The following RANBP2 variants were observed in gnomAD, a reference collection of about 807,000 sequenced individuals.
RANBP2 encodes E3 SUMO-protein ligase RanBP2.
A neutral mutation model predicts 303.6 loss-of-function variants in RANBP2; 57 were observed. That is an observed-to-expected ratio of 0.19 (90% CI 0.15 to 0.23). The LOEUF is 0.23. RANBP2 is among the 10% of genes least tolerant of loss of function. The pLI is 1.00. For missense variants in RANBP2, 3,138 were observed against 3,780.8 expected (o/e 0.83, Z 4.46); for synonymous variants, 1,167 against 1,301.5 (o/e 0.90, Z 2.23).
At chr2:109,190,069 G>A in the RANBP2 span, among the ~76,000 whole-genome samples, 2 of 152,334 alleles carry the variant, frequency 1.3e-5, no homozygotes, top group Admixed American at 6.5e-5. Flanking sequence ...TGTAATTGTC[G>A]TTGCTTTAAA....
At chr2:109,167,547 G>GA in the RANBP2 span, among the ~76,000 whole-genome samples, 2 of 152,038 alleles carry the variant, frequency 1.3e-5, no homozygotes, top group African/African-American at 2.4e-5. Flanking sequence ...TTTAGTGTCT[G>GA]AATTCTTTTA....
the RANBP2 span, among the ~76,000 whole-genome samples, chr2:108,953,517 T>C: frequency 6.6e-6 from 1 of 152,132 alleles, no homozygotes; most frequent in Non-Finnish European, 1.5e-5. Context: ...TTTACTTTTC[T>C]TAAGGCTCAC....
the RANBP2 span, among the ~76,000 whole-genome samples, chr2:109,514,259 A>G: frequency 3.3e-5 from 5 of 152,164 alleles, no homozygotes; most frequent in African/African-American, 1.2e-4. Context: ...TATGATTCAT[A>G]ACTTGGTTAC....
chr2:109,420,592 C>G, the RANBP2 span, among the ~76,000 whole-genome samples: 1 of 152,058 alleles, frequency 6.6e-6, no homozygotes, highest in African/African-American at 2.4e-5. Flanking sequence ...ACTACAGGTG[C>G]CAGCCACCAC....
the RANBP2 span, among the ~76,000 whole-genome samples, chr2:109,684,865 TA>T: frequency 8.0e-5 from 12 of 150,120 alleles, no homozygotes; most frequent in East Asian, 6.0e-4. Flanking sequence ...TAAATTAAAT[TA>T]AATTAATTAA....
chr2:109,056,139 T>C, the RANBP2 span, among the ~76,000 whole-genome samples: 11 of 152,012 alleles, frequency 7.2e-5, no homozygotes, highest in Admixed American at 7.2e-4. Context: ...ACAGGGGCTT[T>C]GGGTTCTATT....
the RANBP2 span, chr2:108,923,526 G>T: frequency 7.0e-7 from 1 of 1,427,208 alleles, no homozygotes; most frequent in Non-Finnish European, 9.9e-7. Flanking sequence ...GGTGCAGAGA[G>T]CACGGTGGCC....
chr2:108,979,537 G>T, the RANBP2 span, among the ~76,000 whole-genome samples: 1 of 151,942 alleles, frequency 6.6e-6, no homozygotes, highest in Non-Finnish European at 1.5e-5. Flanking sequence ...GGGGGCTGGA[G>T]AAAGCAAGCT....
chr2:109,066,432 C>T, the RANBP2 span, among the ~76,000 whole-genome samples: 1 of 152,126 alleles, frequency 6.6e-6, no homozygotes, highest in Non-Finnish European at 1.5e-5. Context: ...TAAAGGCATG[C>T]CCTCTCCATC....
At chr2:109,221,204 A>C in the RANBP2 span, among the ~76,000 whole-genome samples, 4 of 152,198 alleles carry the variant, frequency 2.6e-5, no homozygotes, top group African/African-American at 9.7e-5. Context: ...AGTCTTCCAC[A>C]TCCTAGTCAG....
chr2:109,009,640 C>G, the RANBP2 span, among the ~76,000 whole-genome samples: 1 of 151,814 alleles, frequency 6.6e-6, no homozygotes, highest in Admixed American at 6.6e-5. Context: ...ATCCTCCCAC[C>G]TGAGCCTCCC....
At chr2:109,644,140 C>A in the RANBP2 span, among the ~76,000 whole-genome samples, 17 of 147,902 alleles carry the variant, frequency 1.1e-4, no homozygotes, top group Non-Finnish European at 2.2e-4. Context: ...AACAAAAAAA[C>A]AAAAAAAAAC....
the RANBP2 span, among the ~76,000 whole-genome samples, chr2:109,354,908 A>C: frequency 6.6e-6 from 1 of 152,282 alleles, no homozygotes; most frequent in Non-Finnish European, 1.5e-5. Context: ...TTGTGAATGT[A>C]GTATTTACGA....
At chr2:109,429,446 A>C in the RANBP2 span, among the ~76,000 whole-genome samples, 55 of 152,284 alleles carry the variant, frequency 3.6e-4, no homozygotes, top group African/African-American at 1.3e-3. Context: ...TCATCAACAG[A>C]ACGAACTTAA....
the RANBP2 span, among the ~76,000 whole-genome samples, chr2:109,169,720 A>G: frequency 6.6e-6 from 1 of 150,828 alleles, no homozygotes; most frequent in Admixed American, 6.6e-5. Context: ...ATATCTATAT[A>G]TATAACCAAA....
At chr2:109,189,367 CTT>C in the RANBP2 span, among the ~76,000 whole-genome samples, 31 of 147,972 alleles carry the variant, frequency 2.1e-4, no homozygotes, top group African/African-American at 7.5e-4. Context: ...AGTCGTTTGA[CTT>C]TTTTTTTTTT....
At chr2:109,310,139 A>C in the RANBP2 span, among the ~76,000 whole-genome samples, 665 of 71,334 alleles carry the variant, frequency 9.3e-3, 30 homozygotes, top group East Asian at 0.042. Flanking sequence ...ATAACAAACT[A>C]TCTCTCAGAC....
chr2:108,768,844 C>A (rs1048337383), intron 20 of RANBP2, among the ~76,000 whole-genome samples: 3 of 151,998 alleles, frequency 2.0e-5, no homozygotes, highest in Non-Finnish European at 4.4e-5. Flanking sequence ...ACCAGCCTGG[C>A]CAGCATGGTG....
chr2:109,069,449 T>C, the RANBP2 span, among the ~76,000 whole-genome samples: 1 of 152,260 alleles, frequency 6.6e-6, no homozygotes, highest in Non-Finnish European at 1.5e-5. Flanking sequence ...TCCTCACTCG[T>C]GAAGCCATCA....
Sources: gnomAD v4.1 joint callset for allele counts (sites outside exome capture counted in the v4.1 genomes callset) on GRCh38, gnomAD v4.1.1 for gene constraint, MANE v1.5 for transcripts, NCBI Gene and HGNC (gene_info 2026-07-23, HGNC 2026-07-21) for gene names.